ITPR1: variants seen among roughly 807,000 people sequenced by gnomAD.
ITPR1 encodes inositol 1,4,5-trisphosphate-gated calcium channel ITPR1.
Under a neutral mutation model 318.4 loss-of-function variants are expected in ITPR1, and 96 were observed. The ratio of observed to expected loss-of-function variants is 0.30; its 90% CI spans 0.26 to 0.36. The LOEUF (loss-of-function observed/expected upper bound fraction) is 0.36. ITPR1 is among the 10% of genes least tolerant of loss of function. The pLI, the probability that ITPR1 is intolerant of heterozygous loss-of-function variation, is 1.00. For synonymous variants in ITPR1, 1,312 were observed against 1,289.9 expected, an observed-to-expected ratio of 1.02 and a Z score of -0.37; for missense variants, 2,440 against 3,460.2, an observed-to-expected ratio of 0.71 and a Z score of 7.40.
chr3:4,554,914 A>G (rs182206447), intron 4 of ITPR1, among the ~76,000 whole-genome samples: 10 of 152,334 alleles, frequency 6.6e-5, no homozygotes, highest in Middle Eastern at 3.4e-3. Context: ...TCATATATCA[A>G]TGGATAAGGC....
intron 60 of ITPR1, among the ~76,000 whole-genome samples, chr3:4,829,497 G>T (rs1405851259): frequency 6.6e-6 from 1 of 152,058 alleles, no homozygotes; most frequent in African/African-American, 2.4e-5. Flanking sequence ...AAGAATAAAA[G>T]GATGATAATT....
chr3:4,558,329 A>T (rs987173448), intron 4 of ITPR1, among the ~76,000 whole-genome samples: 1 of 152,248 alleles, frequency 6.6e-6, no homozygotes, highest in African/African-American at 2.4e-5. Flanking sequence ...TAAAATTGAA[A>T]TGTATTCATA....
chr3:4,722,650 A>G (rs2042244238), intron 40 of ITPR1, among the ~76,000 whole-genome samples: 1 of 152,184 alleles, frequency 6.6e-6, no homozygotes, highest in Non-Finnish European at 1.5e-5. Flanking sequence ...CCTCAAGGAA[A>G]CATAGCCAAC....
chr3:4,786,817 G>A (rs1040318581), intron 51 of ITPR1, among the ~76,000 whole-genome samples: 2 of 152,284 alleles, frequency 1.3e-5, no homozygotes, highest in South Asian at 4.1e-4. Context: ...GAGTTAAATA[G>A]GCATGTTGGT....
At chr3:4,581,073 A>G (rs1453216774) in intron 4 of ITPR1, among the ~76,000 whole-genome samples, 1 of 152,232 alleles carries the variant, frequency 6.6e-6, no homozygotes, top group Non-Finnish European at 1.5e-5. Context: ...CAAACGTTTC[A>G]GAAGCTTAAA....
In ITPR1 at chr3:4,673,348, G is replaced by A. The variant is rs1390049748; in HGVS notation, c.2417G>A (p.Arg806His). 2 of 1,611,580 alleles carry A rather than the reference G, an allele frequency of 1.2e-6. No individual in the cohort carries two copies. Among genetic ancestry groups the A allele is most frequent in the Admixed American group, 1.7e-5 (1 of 59,962 alleles). Residue 806 changes from arginine (R) to histidine (H), a missense_variant, in exon 21 of 62, where the codon CGC becomes CAC. Physicochemically the swap from Arg to His is conservative, Grantham distance 29. Transcript: ENST00000649015. ...QEQVTPVKYA[R>H]LWSEIPSEIA... ...CAAGTCACCCCCGTGAAATATGCCCGCCTCTGGTCGGAGATTCCCTCGGAG... is the reference window on the plus strand; with the variant it reads ...CAAGTCACCCCCGTGAAATATGCCCACCTCTGGTCGGAGATTCCCTCGGAG...
At chr3:4,578,312 T>G (rs2088907622) in intron 4 of ITPR1, among the ~76,000 whole-genome samples, 1 of 152,188 alleles carries the variant, frequency 6.6e-6, no homozygotes, top group Non-Finnish European at 1.5e-5. Context: ...ATCTTTTTCC[T>G]CTCTTTTCTT....
At chr3:4,777,490 T>A in intron 48 of ITPR1, 116 bp downstream of exon 48, 1 of 658,744 alleles carries the variant, frequency 1.5e-6, no homozygotes, top group Non-Finnish European at 2.7e-6. Flanking sequence ...GATAGTTCTT[T>A]AAATGAATGA....
chr3:4,711,604 C>T (rs534530157), intron 38 of ITPR1, 153 bp from the exon 39 acceptor site: 5 of 595,098 alleles, frequency 8.4e-6, no homozygotes, highest in Non-Finnish European at 1.5e-5. Context: ...ACTGGCTGTT[C>T]TCAGTGCAGG....
intron 56 of ITPR1, chr3:4,812,908 G>T: frequency 1.8e-6 from 1 of 540,774 alleles, no homozygotes; most frequent in Non-Finnish European, 3.3e-6. Context: ...TTGGAGAGGT[G>T]CTATTTAAGT....
Position 4,693,503 on chromosome 3 carries a change from G to T in ITPR1, c.4043G>T (p.Gly1348Val). The change falls in exon 33 of 62, where the codon GGA (glycine) becomes GTA (valine). Residue 1348 changes from glycine to valine, a missense_variant. By Grantham distance (109) the Gly-to-Val change is moderately radical. Coordinates refer to ENST00000649015, the MANE Select transcript of ITPR1 (RefSeq NM_001378452.1). The part of the protein sequence containing the change: ...DMVMAELVNS[G>V]EDVLVFYNDR... ...TTCTTTATGTAGCTGGTCAATTCGG[G>T]AGAGGATGTCCTCGTGTTCTACAAC... The T allele has an allele frequency of 6.2e-7, 1 of 1,613,874 alleles. No homozygotes were observed. Among genetic ancestry groups the T allele is most frequent in the Non-Finnish European group, 8.5e-7 (1 of 1,179,790 alleles).
chr3:4,704,441 G>A (rs941454209), intron 36 of ITPR1, among the ~76,000 whole-genome samples: 5 of 152,036 alleles, frequency 3.3e-5, no homozygotes, highest in Non-Finnish European at 7.4e-5. Context: ...CTACCTGTTG[G>A]GTACTCTGTT....
intron 4 of ITPR1, among the ~76,000 whole-genome samples, chr3:4,557,974 T>A: frequency 6.6e-6 from 1 of 152,188 alleles, no homozygotes; most frequent in South Asian, 2.1e-4. Context: ...TTTTAAAACC[T>A]CCTCCTTCAC....
intron 49 of ITPR1, among the ~76,000 whole-genome samples, chr3:4,781,628 C>G (rs148822309): frequency 6.6e-6 from 1 of 152,162 alleles, no homozygotes; most frequent in Admixed American, 6.5e-5. Flanking sequence ...TCCCAGCTCA[C>G]CACCTGTGAC....
chr3:4,534,855 A>T (rs2083717680), intron 4 of ITPR1, among the ~76,000 whole-genome samples: 1 of 152,208 alleles, frequency 6.6e-6, no homozygotes, highest in South Asian at 2.1e-4. Flanking sequence ...CATTTGAGGT[A>T]AAGGTAGGAA....
At chr3:4,702,647 A>G (rs375916484) in intron 35 of ITPR1, among the ~76,000 whole-genome samples, 183 bp from the exon 36 acceptor site, 2 of 152,296 alleles carry the variant, frequency 1.3e-5, no homozygotes, top group African/African-American at 4.8e-5. Flanking sequence ...TAGGTAACTT[A>G]TGGAATTTAG....
Position 4,589,063 on chromosome 3 carries a change from C to T in ITPR1, c.164-38700C>T, listed in dbSNP as rs574830408. Reference sequence around the variant, plus strand: ...TTTCAGCTGGGCATGGTGGCGTGCACCTGTGCTCCCAGCTACTTGGGAGGG... The same window carrying T: ...TTTCAGCTGGGCATGGTGGCGTGCATCTGTGCTCCCAGCTACTTGGGAGGG... On this transcript the variant is annotated intron_variant, in intron 4 of 61. Coordinates refer to ENST00000649015, the MANE Select transcript of ITPR1 (RefSeq NM_001378452.1). 2.7e-4 allele frequency among the ~76,000 whole-genome samples: 41 copies of T among 152,222 alleles called. 1 individual carries two copies. Among genetic ancestry groups the T allele is most frequent in the Middle Eastern group, 6.8e-3 (2 of 294 alleles).
At chr3:4,683,124 T>C (rs985128696) in intron 26 of ITPR1, among the ~76,000 whole-genome samples, 2 of 152,194 alleles carry the variant, frequency 1.3e-5, no homozygotes, top group African/African-American at 2.4e-5. Flanking sequence ...ATGTAGATGT[T>C]GAGAATCTAA....
At chr3:4,728,123 T>C (rs1413246577) in intron 42 of ITPR1, among the ~76,000 whole-genome samples, 1 of 152,246 alleles carries the variant, frequency 6.6e-6, no homozygotes, top group African/African-American at 2.4e-5. Context: ...AATGAATGAA[T>C]GTGTGCATCT....
Sources: gnomAD v4.1 joint callset for allele counts (sites outside exome capture counted in the v4.1 genomes callset) on GRCh38, gnomAD v4.1.1 for gene constraint, MANE v1.5 for transcripts, NCBI Gene and HGNC (gene_info 2026-07-23, HGNC 2026-07-21) for gene names.